MICAL2: variants seen among roughly 807,000 people sequenced by gnomAD.
The protein encoded by MICAL2 is microtubule associated monooxygenase, calponin and LIM domain containing 2.
Under a neutral mutation model 127.3 loss-of-function variants are expected in MICAL2, and 77 were observed. The observed-to-expected ratio is 0.60, with a 90% confidence interval of 0.50 to 0.73. MICAL2 has a LOEUF of 0.73. MICAL2 is among the 30% of genes least tolerant of loss of function. The pLI is 0.00. For missense variants in MICAL2, 1,351 were observed against 1,434.4 expected, an observed-to-expected ratio of 0.94 and a Z score of 0.94; for synonymous variants, 570 against 551.1, an observed-to-expected ratio of 1.03 and a Z score of -0.48.
intron 32 of MICAL2, among the ~76,000 whole-genome samples, chr11:12,340,912 C>T (rs1000811954): frequency 2.6e-5 from 4 of 152,142 alleles, no homozygotes; most frequent in African/African-American, 9.7e-5. Context: ...TATTTTTCAG[C>T]TGCATGCTCT....
rs577089640 is a variant in MICAL2 at position 12,258,794 on chromosome 11, A to G, written c.3231+238A>G. Among the ~76,000 whole-genome samples the G allele has an allele frequency of 2.0e-4, 31 of 152,344 alleles. No homozygotes were observed. In the East Asian group the frequency reaches 5.8e-3, roughly 28 times the overall value. On this transcript the variant is annotated intron_variant, in intron 25 of 27. Transcript: ENST00000683283. ...AGGACAGTAGCCATGCTGGCTTCTC[A>G]TAAGAAGCCTGGAAGAGCTTGCCCA... is the stretch of plus-strand genomic sequence containing the variant.
intron 22 of MICAL2, chr11:12,250,141 G>A (rs1861348123): frequency 1.3e-5 from 2 of 152,274 alleles, no homozygotes; most frequent in South Asian, 4.1e-4. Flanking sequence ...CTGGGGAGAG[G>A]AGGCAGGGAG....
At chr11:12,143,522 T>G (rs1319053804) in intron 2 of MICAL2, among the ~76,000 whole-genome samples, 2 of 152,240 alleles carry the variant, frequency 1.3e-5, no homozygotes, top group Non-Finnish European at 2.9e-5. Context: ...GGGCTCATTT[T>G]CAGAGAGTTT....
intron 32 of MICAL2, among the ~76,000 whole-genome samples, chr11:12,340,432 T>G (rs1191800694): frequency 6.6e-6 from 1 of 152,214 alleles, no homozygotes; most frequent in East Asian, 1.9e-4. Context: ...TATTCAATGT[T>G]AATGGGAACA....
At chr11:12,356,797 T>C (rs1357637240) in intron 34 of MICAL2, among the ~76,000 whole-genome samples, 1 of 152,226 alleles carries the variant, frequency 6.6e-6, no homozygotes, top group Non-Finnish European at 1.5e-5. Flanking sequence ...GCTCCGCCCA[T>C]GCCGCATACA....
chr11:12,224,787 G>A lies in MICAL2; in HGVS notation c.1655G>A (p.Cys552Tyr). 6.2e-7 allele frequency: 1 copy of A among 1,613,928 alleles called. No homozygotes were observed. The highest frequency in any genetic ancestry group is 1.1e-5 in the South Asian group (1 of 91,080). Residue 552 changes from cysteine to tyrosine, a missense_variant, in exon 13 of 28, where the codon TGT becomes TAT. By Grantham distance (194) the Cys-to-Tyr change is radical (BLOSUM62 -2). Coordinates refer to ENST00000683283, the MANE Select transcript of MICAL2 (RefSeq NM_001282663.2). ...TTSWRSGLALCAIIHRFRPEL... is the reference protein window; with the variant it reads ...TTSWRSGLALYAIIHRFRPEL... ...TCCTGGCGCAGTGGGTTGGCCCTGTGTGCCATCATCCACCGCTTCCGGCCT... is the reference window on the plus strand; with the variant it reads ...TCCTGGCGCAGTGGGTTGGCCCTGTATGCCATCATCCACCGCTTCCGGCCT...
chr11:12,359,611 G>C (rs960167159), downstream of MICAL2, among the ~76,000 whole-genome samples: 6 of 152,144 alleles, frequency 3.9e-5, no homozygotes, highest in African/African-American at 1.2e-4. Context: ...TGACATTTCA[G>C]TTTGAAAAGA....
rs543101705 is a variant in MICAL2 at position 12,110,949 on chromosome 11, C to T, written c.-149+223C>T. 6.6e-6 allele frequency among the ~76,000 whole-genome samples: 1 copy of T among 152,230 alleles called. No homozygotes were observed. The highest frequency in any genetic ancestry group is 6.5e-5 in the Admixed American group (1 of 15,308). On this transcript the variant is annotated intron_variant, in intron 1 of 27. Coordinates refer to ENST00000683283, the MANE Select transcript of MICAL2 (RefSeq NM_001282663.2). This position sits in a 1 kb window ranked among gnomAD's most constrained non-coding sequence, Gnocchi z 4.5. ...TGGCCGGCCTCTGAACCAATTAGAA[C>T]GCAATAAAAGCCTCCCACCGGCACG...
intron 1 of MICAL2, among the ~76,000 whole-genome samples, chr11:12,114,909 C>T (rs573475770): frequency 5.3e-5 from 8 of 152,180 alleles, no homozygotes; most frequent in Non-Finnish European, 1.2e-4. Flanking sequence ...ACAGGTCACA[C>T]GTGGGGCTGA....
chr11:12,188,193 T>A (rs905282581), intron 3 of MICAL2, among the ~76,000 whole-genome samples: 2 of 152,246 alleles, frequency 1.3e-5, no homozygotes, highest in African/African-American at 2.4e-5. Flanking sequence ...TTATCAAATA[T>A]TTTATCGATA....
chr11:12,282,359 C>T (rs1237494451), intron 2 of MICAL2, among the ~76,000 whole-genome samples: 2 of 152,134 alleles, frequency 1.3e-5, no homozygotes. Flanking sequence ...CCTTGGTGTA[C>T]CCTTCCATCC....
At chr11:12,304,504 G>A (rs577051234) in intron 29 of MICAL2, among the ~76,000 whole-genome samples, 14 of 152,106 alleles carry the variant, frequency 9.2e-5, no homozygotes, top group African/African-American at 2.4e-4. Flanking sequence ...GCGTGGTGGC[G>A]CATGCCTGTA....
intron 3 of MICAL2, among the ~76,000 whole-genome samples, chr11:12,191,463 C>T (rs1412729986): frequency 4.9e-5 from 5 of 101,988 alleles, no homozygotes. Context: ...CAGAGCAAGA[C>T]TATGTCTCAA....
At chr11:12,336,212 G>T (rs1938754243) in intron 32 of MICAL2, among the ~76,000 whole-genome samples, 5 of 152,132 alleles carry the variant, frequency 3.3e-5, no homozygotes, top group Admixed American at 6.5e-5. Context: ...TCTCTTTGAG[G>T]AAGTTGTGAA....
intron 1 of MICAL2, chr11:12,121,774 C>A (rs983754362): frequency 2.0e-5 from 3 of 152,220 alleles, no homozygotes; most frequent in Admixed American, 2.0e-4. Flanking sequence ...CAGCCTGGTG[C>A]ATTTTCAGCT....
intron 1 of MICAL2, among the ~76,000 whole-genome samples, chr11:12,134,053 A>T (rs1449003701): frequency 6.6e-6 from 1 of 152,214 alleles, no homozygotes; most frequent in Non-Finnish European, 1.5e-5. Flanking sequence ...CACTAGTGGC[A>T]TGACCTTGGC....
At chr11:12,295,441 C>CCTT (rs1555018783), downstream of MICAL2, among the ~76,000 whole-genome samples, 10 of 126,380 alleles carry the variant, frequency 7.9e-5, no homozygotes, top group Non-Finnish European at 1.3e-4. Context: ...TGCTCAGCCT[C>CCTT]TTTTTTTTTT....
chr11:12,229,319 T>C (rs1348812454), intron 15 of MICAL2, among the ~76,000 whole-genome samples: 1 of 152,182 alleles, frequency 6.6e-6, no homozygotes, highest in African/African-American at 2.4e-5. Context: ...GTTAAAATGA[T>C]GAGCTGCACC....
chr11:12,241,454 A>G (rs1044339171), intron 18 of MICAL2, among the ~76,000 whole-genome samples: 4 of 152,236 alleles, frequency 2.6e-5, no homozygotes, highest in Non-Finnish European at 5.9e-5. Flanking sequence ...ATGATGCCCT[A>G]TAACACTAAG....
Sources: allele counts gnomAD v4.1 joint callset (sites outside exome capture counted in the v4.1 genomes callset), GRCh38; gene constraint gnomAD v4.1.1; non-coding constraint Gnocchi (gnomAD v3.1); transcripts MANE v1.5; gene names NCBI Gene and HGNC (gene_info 2026-07-23, HGNC 2026-07-21).